Variants in MYLK observed in about 807,000 individuals in gnomAD.
The protein encoded by MYLK is myosin light chain kinase, smooth muscle.
MYLK carries 106 observed loss-of-function variants against 203.4 expected under a neutral mutation model. The ratio of observed to expected loss-of-function variants is 0.52; its 90% CI spans 0.45 to 0.61. The LOEUF is 0.61. Among genes scored for constraint, MYLK ranks in the 20% least tolerant of loss-of-function variants. The pLI is 0.00. For synonymous variants in MYLK, 867 were observed against 959.5 expected (o/e 0.90, Z 1.78); for missense variants, 2,072 against 2,442.3 (o/e 0.85, Z 3.20).
chr3:123,618,087 T>C (rs776557804), intron 33 of MYLK: 14 of 164,666 alleles, frequency 8.5e-5, no homozygotes, highest in Non-Finnish European at 1.6e-4. Flanking sequence ...ATCTAAAAGG[T>C]TCCCCCTTCT....
chr3:123,707,901 G>T lies in MYLK; in HGVS notation c.2243C>A (p.Pro748His). The T allele has an allele frequency of 6.2e-7, 1 of 1,614,220 alleles. No individual in the cohort carries two copies. The highest frequency in any genetic ancestry group is 8.5e-7 in the Non-Finnish European group (1 of 1,180,040). ...TCTGAGCCAGTGCACGGTAGGAAAG[G>T]GGTCACCAGCTATGGCGCAGGAGAT... is the stretch of plus-strand genomic sequence containing the variant. ...VLISCAIAGD[P>H]FPTVHWLRDG... is the part of the protein sequence containing the mutation. The change falls in exon 16 of 34, where the codon CCC becomes CAC. Residue 748 changes from proline (P) to histidine (H), a missense_variant. Pro to His is a moderately conservative substitution (Grantham distance 77). Around this residue, in one of 3 missense-constraint regions of MYLK, gnomAD observed 865 missense variants for 1,016.0 expected, o/e 0.85. Coordinates refer to ENST00000360304, the MANE Select transcript of MYLK (RefSeq NM_053025.4).
At position 123,701,490 on chromosome 3, in the gene MYLK, TG is replaced by T; in HGVS notation, c.2409del (p.Cys803Ter). 6.2e-7 allele frequency: 1 copy of T among 1,614,020 alleles called. No homozygotes were observed. Among genetic ancestry groups the T allele is most frequent in the Non-Finnish European group, 8.5e-7 (1 of 1,180,012 alleles). ...EILLKNRVGE[C>X]SCQVSLMLQN... Reference sequence around the variant, plus strand: ...TGTAGCATCAGTGACACCTGGCAACTGCATTCGCCAACCCGGTTCCTGAAGA... The same window carrying T: ...TGTAGCATCAGTGACACCTGGCAACTCATTCGCCAACCCGGTTCCTGAAGA... On this transcript the variant is annotated frameshift_variant, in exon 17 of 34. Coordinates refer to ENST00000360304, the MANE Select transcript of MYLK (RefSeq NM_053025.4). LOFTEE classifies it high-confidence loss of function.
At chr3:123,868,839 T>G (rs1220039917) in intron 2 of MYLK, among the ~76,000 whole-genome samples, 2 of 152,230 alleles carry the variant, frequency 1.3e-5, no homozygotes, top group African/African-American at 4.8e-5. Flanking sequence ...CAGGCCTAAT[T>G]GCAGCCTATT....
At chr3:123,801,408 A>G (rs757431122) in intron 3 of MYLK, among the ~76,000 whole-genome samples, 6 of 152,086 alleles carry the variant, frequency 3.9e-5, no homozygotes, top group African/African-American at 9.7e-5. Flanking sequence ...TTTAACTTTT[A>G]CTTTATTTTC....
chr3:123,819,425 TG>T (rs1247328636), intron 3 of MYLK, among the ~76,000 whole-genome samples: 1 of 152,206 alleles, frequency 6.6e-6, no homozygotes, highest in African/African-American at 2.4e-5. Flanking sequence ...AAAATGATGA[TG>T]TTCTGATTAC....
chr3:123,721,853 A>T (rs820353), intron 13 of MYLK, among the ~76,000 whole-genome samples: 113,091 of 137,098 alleles, frequency 0.82, 48,733 homozygotes, highest in Non-Finnish European at 0.97. Context: ...CTCTGATGAC[A>T]CCCTTGTCGC....
Position 123,657,385 on chromosome 3 carries a change from A to T in MYLK, c.4029T>A (p.Ile1343=). Residue 1343 remains isoleucine, a synonymous_variant, in exon 24 of 34, where the codon ATT becomes ATA. Transcript: ENST00000360304. ...AGGACAGGGTCAGTGAGGAGCTCCG[A>T]ATGTCAGAGGCACAAGGTGTGCCAG... is the stretch of plus-strand genomic sequence containing the variant. ...PPAGTPCASD[I]RSSSLTLSWY... is the part of the protein sequence containing the mutation. 6.2e-7 allele frequency: 1 copy of T among 1,613,924 alleles called. No homozygotes were observed. Among genetic ancestry groups the T allele is most frequent in the Non-Finnish European group, 8.5e-7 (1 of 1,180,016 alleles).
At chr3:123,735,643 C>T (rs77850185) in intron 8 of MYLK, 3 of 543,334 alleles carry the variant, frequency 5.5e-6, no homozygotes, top group Non-Finnish European at 1.0e-5. Context: ...TGCTACCATA[C>T]CCTGAGGGCA....
chr3:123,718,232 A>C (rs2061971013), intron 13 of MYLK, among the ~76,000 whole-genome samples: 2 of 152,092 alleles, frequency 1.3e-5, no homozygotes, highest in African/African-American at 4.8e-5. Context: ...CCCCCAGAAA[A>C]GCGAGGAATT....
At chr3:123,808,161 C>G (rs1207582793) in intron 3 of MYLK, among the ~76,000 whole-genome samples, 1 of 152,212 alleles carries the variant, frequency 6.6e-6, no homozygotes, top group Non-Finnish European at 1.5e-5. Context: ...AGGGCTGTCT[C>G]TCTCCCTGTT....
intron 3 of MYLK, among the ~76,000 whole-genome samples, chr3:123,806,654 A>ATTAT (rs955163830): frequency 1.1e-4 from 16 of 152,102 alleles, no homozygotes; most frequent in African/African-American, 1.7e-4. Flanking sequence ...ATACTAAGAT[A>ATTAT]TTATTTATTT....
chr3:123,618,860 G>T (rs1233451564), intron 32 of MYLK, 90 bp from the exon 33 acceptor site: 1 of 1,556,680 alleles, frequency 6.4e-7, no homozygotes, highest in Non-Finnish European at 8.8e-7. Flanking sequence ...TAAAAAAGTT[G>T]CTATGATTTA....
chr3:123,672,206 AG>A (rs986915138), intron 20 of MYLK, among the ~76,000 whole-genome samples: 3 of 31,108 alleles, frequency 9.6e-5, no homozygotes, highest in African/African-American at 1.3e-4. Flanking sequence ...GGGCAGGGGG[AG>A]GAGAGAGAGA....
intron 23 of MYLK, among the ~76,000 whole-genome samples, chr3:123,663,479 G>A (rs1360836404): frequency 6.6e-6 from 1 of 152,192 alleles, no homozygotes; most frequent in Non-Finnish European, 1.5e-5. Context: ...ACCCCTGTCA[G>A]AGAGAGAAGG....
intron 29 of MYLK, among the ~76,000 whole-genome samples, chr3:123,636,500 C>A (rs562694562): frequency 1.3e-5 from 2 of 152,244 alleles, no homozygotes; most frequent in Non-Finnish European, 2.9e-5. Context: ...TGGGACCAAG[C>A]GAGACCACAG....
intron 4 of MYLK, among the ~76,000 whole-genome samples, chr3:123,775,479 T>C (rs954472200): frequency 6.6e-6 from 1 of 152,248 alleles, no homozygotes. Context: ...AACCCAGCTC[T>C]GTATTTGTTG....
intron 13 of MYLK, among the ~76,000 whole-genome samples, chr3:123,718,165 T>C (rs2061968212): frequency 6.6e-6 from 1 of 152,168 alleles, no homozygotes; most frequent in South Asian, 2.1e-4. Flanking sequence ...CCTAGCCCTG[T>C]TGAGGGACTC....
At chr3:123,758,661 G>T (rs1475695851) in intron 4 of MYLK, among the ~76,000 whole-genome samples, 1 of 152,030 alleles carries the variant, frequency 6.6e-6, no homozygotes, top group African/African-American at 2.4e-5. Flanking sequence ...CGTAGCTGGG[G>T]GTTACAATTC....
chr3:123,653,673 T>C lies in MYLK; in HGVS notation c.4288+3453A>G, dbSNP rs887396552. ...TGCCCCAGACAGGCAGTCACAGCTC[T>C]TCCTCCTGGCAGAGTCTCCACACAG... is the stretch of plus-strand genomic sequence containing the variant. On this transcript the variant is annotated intron_variant, in intron 24 of 33. Transcript: ENST00000360304. Among the ~76,000 whole-genome samples, 5 of 152,154 alleles carry C rather than the reference T, an allele frequency of 3.3e-5. No individual in the cohort carries two copies. The South Asian group carries it at 8.3e-4, about 25-fold the overall frequency.
Sources: gnomAD v4.1 joint callset for allele counts (sites outside exome capture counted in the v4.1 genomes callset) on GRCh38, gnomAD v4.1.1 for gene constraint, gnomAD v4.1.1 regional missense constraint, MANE v1.5 for transcripts, NCBI Gene and HGNC (gene_info 2026-07-23, HGNC 2026-07-21) for gene names.